TMEM59L: variants seen among roughly 807,000 people sequenced by gnomAD.
The protein encoded by TMEM59L is transmembrane protein 59-like.
In TMEM59L, 31 loss-of-function variants were observed where a neutral mutation model predicts 39.6. That is an observed-to-expected ratio of 0.78 (90% CI 0.59 to 1.06). TMEM59L has a LOEUF of 1.06. TMEM59L is among the 50% of genes least tolerant of loss of function. The pLI, the probability that TMEM59L is intolerant of heterozygous loss-of-function variation, is 0.00. For synonymous variants in TMEM59L, 219 were observed against 202.9 expected, an observed-to-expected ratio of 1.08 and a Z score of -0.68; for missense variants, 441 against 451.3, an observed-to-expected ratio of 0.98 and a Z score of 0.21.
In TMEM59L at chr19:18,620,429, A is replaced by G. The variant is rs766240128; in HGVS notation, c.922A>G (p.Lys308Glu). ...KFQPLTLEQH[K>E]GFMMEPDWPL... is the part of the protein sequence containing the mutation. ...GCAGCCTCTGACCCTGGAGCAGCAC[A>G]AGGGCTTCATGATGGAGCCCGATTG... The change falls in exon 8 of 8, where the codon AAG becomes GAG. Residue 308 changes from lysine to glutamate, a missense_variant. By Grantham distance (56) the Lys-to-Glu change is moderately conservative. Coordinates refer to ENST00000262817, the MANE Select transcript of TMEM59L (RefSeq NM_012109.3). 3.7e-6 allele frequency: 6 copies of G among 1,613,234 alleles called. No individual in the cohort carries two copies. The highest frequency in any genetic ancestry group is 4.2e-6 in the Non-Finnish European group (5 of 1,179,928).
intron 7 of TMEM59L, among the ~76,000 whole-genome samples, chr19:18,619,720 C>T (rs764749486): frequency 2.7e-5 from 4 of 150,378 alleles, no homozygotes; most frequent in Admixed American, 1.3e-4. Context: ...AGGAGAATGG[C>T]GTGAACCCAG....
At chr19:18,617,525 G>C in intron 5 of TMEM59L, 1 of 458,994 alleles carries the variant, frequency 2.2e-6, no homozygotes, top group South Asian at 1.6e-5. Context: ...CCTGGGTTCT[G>C]TGGCCCATCT....
chr19:18,620,549 C>A lies in TMEM59L; in HGVS notation c.*13C>A. 2.5e-6 allele frequency: 4 copies of A among 1,611,620 alleles called. No individual in the cohort carries two copies. The highest frequency in any genetic ancestry group is 3.4e-6 in the Non-Finnish European group (4 of 1,178,882). On this transcript the variant is annotated 3_prime_UTR_variant, in exon 8 of 8. Coordinates refer to ENST00000262817, the MANE Select transcript of TMEM59L (RefSeq NM_012109.3). ...GACCAAGCTGTAGGCCTCCACTGGC[C>A]CCATCACTGCCAACTGCAGGGGGCC...
intron 5 of TMEM59L, chr19:18,617,396 T>A: frequency 1.9e-6 from 1 of 524,368 alleles, no homozygotes; most frequent in Non-Finnish European, 3.7e-6. Flanking sequence ...CAGGGTTCCG[T>A]GGCCCACCTC....
Position 18,620,628 on chromosome 19 carries a change from C to A in TMEM59L, c.*92C>A. The A allele has an allele frequency of 1.4e-6, 2 of 1,470,526 alleles. No individual in the cohort carries two copies. The highest frequency in any genetic ancestry group is 1.4e-5 in the South Asian group (1 of 73,590). The allele number at this position is 1,470,526 out of a possible 1,614,324, so 91.1% of individuals were successfully genotyped here. ...GAGTCCAAGGGCAGGGTGGGTCCAG[C>A]CTTGAGCCCCTCCACCCCCAAATCC... is the stretch of plus-strand genomic sequence containing the variant. On this transcript the variant is annotated 3_prime_UTR_variant, in exon 8 of 8. Coordinates refer to ENST00000262817, the MANE Select transcript of TMEM59L (RefSeq NM_012109.3).
intron 7 of TMEM59L, among the ~76,000 whole-genome samples, chr19:18,620,016 CACACAA>C (rs1490986386): frequency 1.6e-5 from 2 of 128,998 alleles, no homozygotes; most frequent in East Asian, 2.9e-4. Context: ...CACACACACA[CACACAA>C]AAGTCCAGGT....
In TMEM59L at chr19:18,618,669, G is replaced by GTA. The variant is rs1195095656; in HGVS notation, c.900+178_900+179insAT. ...TACGTGTGTGTGTGTGTGTGTGTGT[G>GTA]TGTGTATATATATATATATAATATA... On this transcript the variant is annotated intron_variant, in intron 7 of 7. Transcript: ENST00000262817. 6.0e-3 allele frequency among the ~76,000 whole-genome samples: 349 copies of GTA among 58,316 alleles called. 5 individuals carry two copies. Among genetic ancestry groups the GTA allele is most frequent in the African/African-American group, 0.014 (337 of 23,784 alleles). The allele number at this position is 58,316 out of a possible 152,430, so 38.3% of individuals were successfully genotyped here.
At chr19:18,619,885 G>A (rs4808141) in intron 7 of TMEM59L, among the ~76,000 whole-genome samples, 33,390 of 151,292 alleles carry the variant, frequency 0.22, 4,181 homozygotes, top group East Asian at 0.51. Flanking sequence ...AGCTGAGGTG[G>A]GAGGATCACT....
rs770212397 is a variant in TMEM59L at position 18,616,145 on chromosome 19, G to C, written c.561+18G>C. 2 of 1,613,012 alleles carry C rather than the reference G, an allele frequency of 1.2e-6. No individual in the cohort carries two copies. The highest frequency in any genetic ancestry group is 1.7e-6 in the Non-Finnish European group (2 of 1,179,476). On this transcript the variant is annotated intron_variant, in intron 4 of 7. Transcript: ENST00000262817. ...TGTTTCAGGTGAGACCTCTGACAGG[G>C]GCCACGCCAGAGTGGCAGATGGGTG...
chr19:18,619,784 A>G (rs1484025188), intron 7 of TMEM59L, among the ~76,000 whole-genome samples: 1 of 149,772 alleles, frequency 6.7e-6, no homozygotes, highest in Non-Finnish European at 1.5e-5. Flanking sequence ...AGCCTGGGTG[A>G]CAGAGCGAGA....
intron 3 of TMEM59L, among the ~76,000 whole-genome samples, 176 bp from the exon 4 acceptor site, chr19:18,615,799 G>C (rs111867350): frequency 0.012 from 1,862 of 152,268 alleles, 43 homozygotes; most frequent in African/African-American, 0.042. Context: ...GTAGAGACAG[G>C]GTTTCACGAT....
At position 18,613,886 on chromosome 19, in the gene TMEM59L, C is replaced by T. The variant is rs1486117124; in HGVS notation, c.186C>T (p.Gly62=). 1.2e-6 allele frequency: 2 copies of T among 1,611,076 alleles called. No individual in the cohort carries two copies. The change falls in exon 2 of 8, where the codon GGC becomes GGT. Residue 62 remains glycine (G), a synonymous_variant. Transcript: ENST00000262817. ...CCCTCCCCCAGGCGGGGCTGGAGGG[C>T]GCCTCCGAGTCTCCCTATGACAGAG... The part of the protein sequence containing the change: ...GPQPSQAGLE[G]ASESPYDRAV...
intron 5 of TMEM59L, chr19:18,617,419 G>A (rs1976442417): frequency 2.0e-6 from 1 of 496,086 alleles, no homozygotes; most frequent in Non-Finnish European, 3.9e-6. Flanking sequence ...GGGTTCCGTG[G>A]CCACCTCCCA....
intron 2 of TMEM59L, 33 bp downstream of exon 2, chr19:18,614,049 G>GT (rs1423803564): frequency 6.8e-6 from 11 of 1,613,048 alleles, no homozygotes; most frequent in Non-Finnish European, 9.3e-6. Context: ...GGCCAGCGTG[G>GT]GGAGAGGTGG....
At chr19:18,618,667 G>GTA (rs1418050428) in intron 7 of TMEM59L, among the ~76,000 whole-genome samples, 175 bp downstream of exon 7, 2 of 105,784 alleles carry the variant, frequency 1.9e-5, no homozygotes, top group African/African-American at 6.4e-5. Flanking sequence ...GTGTGTGTGT[G>GTA]TGTGTGTATA....
intron 1 of TMEM59L, 98 bp from the exon 2 acceptor site, chr19:18,613,774 C>T: frequency 3.3e-6 from 3 of 915,108 alleles, no homozygotes; most frequent in Admixed American, 2.2e-5. Context: ...TCGTGGGGAG[C>T]GGGGAAGCCT....
intron 4 of TMEM59L, 95 bp downstream of exon 4, chr19:18,616,222 T>A: frequency 1.3e-6 from 2 of 1,484,576 alleles, no homozygotes; most frequent in Non-Finnish European, 1.8e-6. Context: ...AGATGCAAAG[T>A]CCACAGTGGG....
Position 18,620,500 on chromosome 19 carries a change from A to AC in TMEM59L, c.996dup (p.Tyr333LeufsTer101), listed in dbSNP as rs1471625072. ...CCCACGCCTGTGAGGACAGCCTACC[A>AC]CCCTACAAGCTGAAGCTGGACCTGA... is the stretch of plus-strand genomic sequence containing the variant. On this transcript the variant is annotated frameshift_variant, in exon 8 of 8. Coordinates refer to ENST00000262817, the MANE Select transcript of TMEM59L (RefSeq NM_012109.3). LOFTEE classifies it high-confidence loss of function. 1.2e-6 allele frequency: 2 copies of AC among 1,613,484 alleles called. No homozygotes were observed. Among genetic ancestry groups the AC allele is most frequent in the Non-Finnish European group, 1.7e-6 (2 of 1,179,894 alleles).
chr19:18,620,545 T>C lies in TMEM59L; in HGVS notation c.*9T>C, dbSNP rs1976485261. The C allele has an allele frequency of 6.2e-7, 1 of 1,612,610 alleles. No homozygotes were observed. Among genetic ancestry groups the C allele is most frequent in the Non-Finnish European group, 8.5e-7 (1 of 1,179,462 alleles). ...ACCTGACCAAGCTGTAGGCCTCCAC[T>C]GGCCCCATCACTGCCAACTGCAGGG... On this transcript the variant is annotated 3_prime_UTR_variant, in exon 8 of 8. Coordinates refer to ENST00000262817, the MANE Select transcript of TMEM59L (RefSeq NM_012109.3).
Sources: gnomAD v4.1 joint callset for allele counts (sites outside exome capture counted in the v4.1 genomes callset) on GRCh38, gnomAD v4.1.1 for gene constraint, MANE v1.5 for transcripts, NCBI Gene and HGNC (gene_info 2026-07-23, HGNC 2026-07-21) for gene names.